Variants in RCOR1 observed in about 807,000 individuals in gnomAD.
RCOR1 encodes the protein REST corepressor 1, also known as REST corepressor.
Under a neutral mutation model 64.0 loss-of-function variants are expected in RCOR1, and 12 were observed. That is an observed-to-expected ratio of 0.19 (90% CI 0.12 to 0.30). The LOEUF is 0.30. Ranked by LOEUF, RCOR1 falls within the 10% of genes least tolerant of loss-of-function variation. The pLI is 1.00. For missense variants in RCOR1, 502 were observed against 621.2 expected (o/e 0.81, Z 2.04); for synonymous variants, 279 against 227.2 (o/e 1.23, Z -2.05).
At chr14:102,674,083 G>T (rs1267247049) in intron 2 of RCOR1, among the ~76,000 whole-genome samples, 2 of 152,144 alleles carry the variant, frequency 1.3e-5, no homozygotes, top group Non-Finnish European at 2.9e-5. Context: ...TAAGGAATTG[G>T]TTTATGTAGT....
intron 8 of RCOR1, among the ~76,000 whole-genome samples, chr14:102,716,131 G>T (rs1197687851): frequency 2.0e-5 from 3 of 152,180 alleles, no homozygotes; most frequent in Non-Finnish European, 4.4e-5. Flanking sequence ...TTATTTGGCA[G>T]TTCCCTGATG....
intron 3 of RCOR1, among the ~76,000 whole-genome samples, chr14:102,682,714 A>G (rs907684691): frequency 6.6e-6 from 1 of 152,222 alleles, no homozygotes; most frequent in East Asian, 1.9e-4. Flanking sequence ...TCAGAACTGA[A>G]TATGAAGAAT....
At chr14:102,612,367 TA>T (rs1372709924) in intron 2 of RCOR1, among the ~76,000 whole-genome samples, 2 of 151,816 alleles carry the variant, frequency 1.3e-5, no homozygotes, top group African/African-American at 4.8e-5. Flanking sequence ...CCACGCCCGC[TA>T]ATTTGTTTTG....
intron 2 of RCOR1, among the ~76,000 whole-genome samples, chr14:102,653,160 G>GATC (rs1379960026): frequency 2.0e-5 from 3 of 152,124 alleles, no homozygotes; most frequent in Admixed American, 6.5e-5. Context: ...TTGACCTCAT[G>GATC]ATCTTCCTGC....
chr14:102,693,246 A>T (rs1348728285), intron 3 of RCOR1, among the ~76,000 whole-genome samples: 2 of 152,162 alleles, frequency 1.3e-5, no homozygotes, highest in Non-Finnish European at 2.9e-5. Context: ...CGACAATTGG[A>T]ATTCATTTGT....
chr14:102,603,300 A>G (rs1020685378), intron 2 of RCOR1, among the ~76,000 whole-genome samples: 4 of 151,556 alleles, frequency 2.6e-5, no homozygotes, highest in African/African-American at 9.7e-5. Flanking sequence ...ATAAGAAAAG[A>G]GTGTCTTTTT....
intron 2 of RCOR1, among the ~76,000 whole-genome samples, chr14:102,664,167 G>A (rs540523884): frequency 6.6e-6 from 1 of 152,252 alleles, no homozygotes; most frequent in East Asian, 1.9e-4. Context: ...GTGCAGTGGT[G>A]CAGTCTTGGC....
intron 8 of RCOR1, among the ~76,000 whole-genome samples, chr14:102,715,082 T>C (rs1345142431): frequency 6.6e-6 from 1 of 151,970 alleles, no homozygotes; most frequent in Non-Finnish European, 1.5e-5. Flanking sequence ...ATTTTTTTTT[T>C]TTTTGAGACG....
intron 6 of RCOR1, 36 bp downstream of exon 6, chr14:102,708,619 G>T (rs201507035): frequency 3.8e-5 from 45 of 1,195,782 alleles, no homozygotes; most frequent in Non-Finnish European, 5.0e-5. Context: ...TAACCACTTA[G>T]GGGACTATCT....
At chr14:102,716,098 A>G (rs1376705798) in intron 8 of RCOR1, among the ~76,000 whole-genome samples, 1 of 152,260 alleles carries the variant, frequency 6.6e-6, no homozygotes, top group African/African-American at 2.4e-5. Flanking sequence ...CTGATGGGTT[A>G]TAATGATGCC....
intron 2 of RCOR1, among the ~76,000 whole-genome samples, chr14:102,635,417 C>A: frequency 6.6e-6 from 1 of 152,030 alleles, no homozygotes; most frequent in Admixed American, 6.6e-5. Flanking sequence ...GGTGGGAGAA[C>A]TGCTTGAACC....
At chr14:102,639,064 C>A (rs1359820688) in intron 2 of RCOR1, among the ~76,000 whole-genome samples, 1 of 152,154 alleles carries the variant, frequency 6.6e-6, no homozygotes, top group Non-Finnish European at 1.5e-5. Flanking sequence ...TCCATGGGAA[C>A]ATAAGTAGGA....
intron 11 of RCOR1, among the ~76,000 whole-genome samples, chr14:102,726,080 G>T (rs916574541): frequency 3.2e-4 from 48 of 152,058 alleles, no homozygotes; most frequent in African/African-American, 1.1e-3. Context: ...TGTAATCCCA[G>T]CACTTTGGGA....
intron 2 of RCOR1, among the ~76,000 whole-genome samples, chr14:102,606,026 A>G (rs1445474658): frequency 2.6e-5 from 4 of 152,030 alleles, no homozygotes; most frequent in African/African-American, 9.7e-5. Context: ...CCCTGCTTCC[A>G]GTGATTCTCC....
chr14:102,627,730 T>C (rs1392866282), intron 2 of RCOR1, among the ~76,000 whole-genome samples: 2 of 151,960 alleles, frequency 1.3e-5, no homozygotes, highest in East Asian at 1.9e-4. Flanking sequence ...GTATATTCTT[T>C]CTTTTCTCCT....
intron 8 of RCOR1, among the ~76,000 whole-genome samples, chr14:102,715,029 TC>T (rs1433339594): frequency 6.7e-4 from 102 of 151,910 alleles, no homozygotes; most frequent in African/African-American, 2.4e-3. Context: ...ACTCCACCCC[TC>T]TTTTATTACC....
chr14:102,592,992 G>C lies in RCOR1; in HGVS notation c.106G>C (p.Ala36Pro), dbSNP rs1253400162. 7.7e-6 allele frequency: 9 copies of C among 1,164,122 alleles called. No homozygotes were observed. The highest frequency in any genetic ancestry group is 9.5e-6 in the Non-Finnish European group (9 of 945,668). 72.1% of individuals were successfully genotyped at this position (1,164,122 alleles called of 1,614,324 possible). ...CGCCGCCGCCTCCGCCGCCGCCTCG[G>C]CCGCCTGCGCCTCGCCAGCCGCCAC... ...SAAAASAAAS[A>P]ACASPAATAA... The change falls in exon 1 of 12, where the codon GCC (alanine) becomes CCC (proline). Residue 36 changes from alanine (A) to proline (P), a missense_variant. Transcript: ENST00000262241.
intron 2 of RCOR1, among the ~76,000 whole-genome samples, chr14:102,641,514 C>T (rs1435259062): frequency 6.6e-6 from 1 of 151,760 alleles, no homozygotes; most frequent in Admixed American, 6.6e-5. Context: ...GTGGGCGGAT[C>T]ACTTGTGCCC....
At position 102,726,457 on chromosome 14, in the gene RCOR1, C is replaced by G; in HGVS notation, c.1420-11C>G. On this transcript the variant is annotated splice_polypyrimidine_tract_variant and intron_variant, in intron 11 of 11. Coordinates refer to ENST00000262241, the MANE Select transcript of RCOR1 (RefSeq NM_015156.4). Reference sequence around the variant, plus strand: ...TGATCCTTTTTTTTTTTTTTTTCCTCTTGGCCTCAGGCTCCTGTTCTGGAT... The same window carrying G: ...TGATCCTTTTTTTTTTTTTTTTCCTGTTGGCCTCAGGCTCCTGTTCTGGAT... The G allele has an allele frequency of 1.3e-6, 2 of 1,493,094 alleles. No individual in the cohort carries two copies. The highest frequency in any genetic ancestry group is 1.8e-6 in the Non-Finnish European group (2 of 1,125,510). 92.5% of individuals were successfully genotyped at this position (1,493,094 alleles called of 1,614,324 possible). A position where few individuals can be genotyped will look rare whatever the true frequency, so the allele number is the denominator to read the frequency against.
Sources: gnomAD v4.1 joint callset for allele counts (sites outside exome capture counted in the v4.1 genomes callset) on GRCh38, gnomAD v4.1.1 for gene constraint, MANE v1.5 for transcripts, NCBI Gene and HGNC (gene_info 2026-07-23, HGNC 2026-07-21) for gene names.